The following GTF2F1 variants were observed in gnomAD, a reference collection of about 807,000 sequenced individuals.
GTF2F1 encodes the protein general transcription factor IIF subunit 1.
Under a neutral mutation model 63.5 loss-of-function variants are expected in GTF2F1, and 39 were observed. The observed-to-expected ratio is 0.61, with a 90% confidence interval of 0.48 to 0.80. The LOEUF is 0.80. Among genes scored for constraint, GTF2F1 ranks in the 30% least tolerant of loss-of-function variants. GTF2F1 has a pLI of 0.00. For synonymous variants in GTF2F1, 287 were observed against 285.3 expected (o/e 1.01, Z -0.06); for missense variants, 657 against 718.3 (o/e 0.91, Z 0.97).
chr19:6,382,523 T>TG (rs2091957129), intron 6 of GTF2F1, among the ~76,000 whole-genome samples: 1 of 150,302 alleles, frequency 6.7e-6, no homozygotes, highest in Admixed American at 6.6e-5. Context: ...CCCAGCTACT[T>TG]GGGAGGCTGA....
rs767170843 is a variant in GTF2F1, at chr19:6,380,448, G to A, written c.1387C>T (p.Leu463=). ...QVTEDAVRRY[L]TRKPMTTKDL... Reference sequence around the variant, plus strand: ...TTAGTGGTCATGGGCTTCCGTGTCAGGTAGCGGCGCACGGCATCCTCAGTC... The same window carrying A: ...TTAGTGGTCATGGGCTTCCGTGTCAAGTAGCGGCGCACGGCATCCTCAGTC... The change falls in exon 13 of 13, where the codon CTG becomes TTG. Residue 463 remains leucine, a synonymous_variant. Transcript: ENST00000394456. This position sits in a 1 kb window ranked among gnomAD's most constrained non-coding sequence, Gnocchi z 5.3. 1 of 1,614,098 alleles carries A rather than the reference G, an allele frequency of 6.2e-7. No homozygotes were observed. The highest frequency in any genetic ancestry group is 1.7e-5 in the Admixed American group (1 of 60,004).
intron 4 of GTF2F1, 81 bp downstream of exon 4, chr19:6,389,363 G>T (rs972758917): frequency 8.7e-6 from 11 of 1,259,122 alleles, no homozygotes; most frequent in Non-Finnish European, 1.2e-5. Context: ...TTCAGAGAGG[G>T]TACCCCACAA....
intron 5 of GTF2F1, among the ~76,000 whole-genome samples, chr19:6,384,235 C>T (rs74783573): frequency 0.014 from 2,110 of 151,080 alleles, 51 homozygotes; most frequent in African/African-American, 0.049. Flanking sequence ...AGGTTGGGCG[C>T]GGTGGCTCAC....
In GTF2F1 at chr19:6,380,913, G is replaced by A. The variant is rs1189130086; in HGVS notation, c.1222C>T (p.Leu408Phe). 5 of 1,565,566 alleles carry A rather than the reference G, an allele frequency of 3.2e-6. No homozygotes were observed. Among genetic ancestry groups the A allele is most frequent in the Non-Finnish European group, 4.3e-6 (5 of 1,157,860 alleles). ...GGCCACGGGCACTCACCTTGCTCGA[G>A]TTTGCTGGCAGCCGCCCGCAGGGTG... ...SSTLRAAASK[L>F]EQGKRVSEMP... Residue 408 changes from leucine (L) to phenylalanine (F), a missense_variant, in exon 11 of 13, where the codon CTC (leucine) becomes TTC (phenylalanine). Around this residue, in one of 2 missense-constraint regions of GTF2F1, gnomAD observed 602 missense variants for 625.6 expected, o/e 0.96. Transcript: ENST00000394456. The surrounding 1 kb of genome is among the most constrained non-coding windows in gnomAD (Gnocchi z 5.3).
At chr19:6,392,818 G>T (rs146656829) in intron 2 of GTF2F1, 39 bp downstream of exon 2, 30,117 of 1,585,618 alleles carry the variant, frequency 0.019, 415 homozygotes, top group Middle Eastern at 0.062. Flanking sequence ...TTCATTTTTG[G>T]GGGGTGGAGA....
At position 6,383,592 on chromosome 19, in the gene GTF2F1, T is replaced by C; in HGVS notation, c.498-97A>G. ...CCCCAGGGCACCACCCACATAGCCT[T>C]CAAGGTGATGTGGCCCCCGGGGACT... is the stretch of plus-strand genomic sequence containing the variant. On this transcript the variant is annotated intron_variant, in intron 5 of 12. Transcript: ENST00000394456. The surrounding 1 kb of genome is among the most constrained non-coding windows in gnomAD (Gnocchi z 4.5). The C allele has an allele frequency of 7.5e-7, 1 of 1,325,184 alleles. No homozygotes were observed. Among genetic ancestry groups the C allele is most frequent in the South Asian group, 1.3e-5 (1 of 79,094 alleles). 82.1% of individuals were successfully genotyped at this position (1,325,184 alleles called of 1,614,324 possible). A position where few individuals can be genotyped will look rare whatever the true frequency, so the allele number is the denominator to read the frequency against.
At chr19:6,384,800 T>A (rs2091968152) in intron 5 of GTF2F1, among the ~76,000 whole-genome samples, 1 of 151,342 alleles carries the variant, frequency 6.6e-6, no homozygotes, top group Non-Finnish European at 1.5e-5. Flanking sequence ...TTCTTTTCTT[T>A]TGAGTTGGAG....
Position 6,380,421 on chromosome 19 carries a change from C to G in GTF2F1, c.1414G>C (p.Asp472His). 1.2e-6 allele frequency: 2 copies of G among 1,614,082 alleles called. No homozygotes were observed. The highest frequency in any genetic ancestry group is 1.7e-6 in the Non-Finnish European group (2 of 1,180,010). ...TTGGTCTGGAACTTTTTCAGCAGGT[C>G]CTTAGTGGTCATGGGCTTCCGTGTC... ...YLTRKPMTTK[D>H]LLKKFQTKKT... Residue 472 changes from aspartate (D) to histidine (H), a missense_variant, in exon 13 of 13, where the codon GAC becomes CAC. Physicochemically the swap from Asp to His is moderately conservative, Grantham distance 81. Around this residue, in one of 2 missense-constraint regions of GTF2F1, gnomAD observed 55 missense variants for 92.6 expected, o/e 0.59. Coordinates refer to ENST00000394456, the MANE Select transcript of GTF2F1 (RefSeq NM_002096.3). The surrounding 1 kb of genome is among the most constrained non-coding windows in gnomAD (Gnocchi z 5.3).
intron 5 of GTF2F1, chr19:6,387,100 AC>A (rs1169571064): frequency 2.5e-6 from 1 of 403,836 alleles, no homozygotes; most frequent in Non-Finnish European, 4.6e-6. Flanking sequence ...AGGCTGTGTG[AC>A]CTGCAGCCTG....
Position 6,383,258 on chromosome 19 carries a change from G to C in GTF2F1, c.682+53C>G, listed in dbSNP as rs1599211043. 2.5e-6 allele frequency: 4 copies of C among 1,573,308 alleles called. No homozygotes were observed. The highest frequency in any genetic ancestry group is 2.6e-6 in the Non-Finnish European group (3 of 1,148,922). On this transcript the variant is annotated intron_variant, in intron 6 of 12. Transcript: ENST00000394456. This position sits in a 1 kb window ranked among gnomAD's most constrained non-coding sequence, Gnocchi z 4.5. Reference sequence around the variant, plus strand: ...GCGATGGTAGACTTTGCCTTCACTGGCACTGCCTGAGCAGGCACCTCTGTG... The same window carrying C: ...GCGATGGTAGACTTTGCCTTCACTGCCACTGCCTGAGCAGGCACCTCTGTG...
At chr19:6,384,733 G>C (rs1016459500) in intron 5 of GTF2F1, among the ~76,000 whole-genome samples, 1 of 152,118 alleles carries the variant, frequency 6.6e-6, no homozygotes, top group African/African-American at 2.4e-5. Flanking sequence ...CCAGGAGTTT[G>C]AGACCAGCCT....
chr19:6,392,997 G>A lies in GTF2F1; in HGVS notation c.-2C>T. ...ATCCACACTCACTAGGGCCGCCATG[G>A]GCAATGGTCAGTGGTTCCGATCTGG... On this transcript the variant is annotated 5_prime_UTR_variant, in exon 1 of 13. Transcript: ENST00000394456. 6.2e-7 allele frequency: 1 copy of A among 1,614,118 alleles called. No homozygotes were observed. Among genetic ancestry groups the A allele is most frequent in the Non-Finnish European group, 8.5e-7 (1 of 1,180,040 alleles).
chr19:6,383,594 A>C lies in GTF2F1; in HGVS notation c.498-99T>G, dbSNP rs1285546752. 6 of 1,296,670 alleles carry C rather than the reference A, an allele frequency of 4.6e-6. No homozygotes were observed. Among genetic ancestry groups the C allele is most frequent in the Admixed American group, 1.9e-5 (1 of 52,732 alleles). The allele number at this position is 1,296,670 out of a possible 1,614,324, so 80.3% of individuals were successfully genotyped here. A position where few individuals can be genotyped will look rare whatever the true frequency, so the allele number is the denominator to read the frequency against. The stretch of plus-strand genomic sequence containing the variant: ...CCAGGGCACCACCCACATAGCCTTC[A>C]AGGTGATGTGGCCCCCGGGGACTTG... On this transcript the variant is annotated intron_variant, in intron 5 of 12. Coordinates refer to ENST00000394456, the MANE Select transcript of GTF2F1 (RefSeq NM_002096.3). This position sits in a 1 kb window ranked among gnomAD's most constrained non-coding sequence, Gnocchi z 4.5.
chr19:6,381,607 T>C lies in GTF2F1; in HGVS notation c.845A>G (p.Gln282Arg). ...DYMSDGSSSS[Q>R]EEPESKAKAP... is the part of the protein sequence containing the mutation. Reference sequence around the variant, plus strand: ...CTTGGCCTTGCTCTCAGGCTCTTCTTGGGAGCTACTGTAAGACGGGGATGG... The same window carrying C: ...CTTGGCCTTGCTCTCAGGCTCTTCTCGGGAGCTACTGTAAGACGGGGATGG... Residue 282 changes from glutamine to arginine, a missense_variant, in exon 8 of 13, where the codon CAA (glutamine) becomes CGA (arginine). Transcript: ENST00000394456. This position sits in a 1 kb window ranked among gnomAD's most constrained non-coding sequence, Gnocchi z 4.1. 2 of 1,613,922 alleles carry C rather than the reference T, an allele frequency of 1.2e-6. No homozygotes were observed. The highest frequency in any genetic ancestry group is 1.7e-6 in the Non-Finnish European group (2 of 1,180,026).
intron 2 of GTF2F1, 111 bp from the exon 3 acceptor site, chr19:6,392,085 TAATTC>T (rs2092001471): frequency 1.5e-6 from 1 of 685,942 alleles, no homozygotes; most frequent in Admixed American, 2.1e-5. Context: ...ACTGGATCGT[TAATTC>T]AATCAAATCA....
intron 3 of GTF2F1, 78 bp downstream of exon 3, chr19:6,391,824 C>T (rs1010012517): frequency 1.4e-6 from 1 of 698,624 alleles, no homozygotes; most frequent in Non-Finnish European, 2.5e-6. Context: ...GACAGTTAAG[C>T]AACTATCACA....
At chr19:6,391,439 G>GTTTTTTTTTTTTTTTTTTTTTTTTTTTTT (rs11340944) in intron 3 of GTF2F1, among the ~76,000 whole-genome samples, 1 of 87,450 alleles carries the variant, frequency 1.1e-5, no homozygotes, top group African/African-American at 3.3e-5. Context: ...TGCCATTTCC[G>GTTTTTTTTTTTTTTTTTTTTTTTTTTTTT]TTTTTTTTTT....
intron 5 of GTF2F1, among the ~76,000 whole-genome samples, chr19:6,384,096 C>T (rs773026164): frequency 6.6e-6 from 1 of 151,868 alleles, no homozygotes; most frequent in Non-Finnish European, 1.5e-5. Flanking sequence ...CCACCGTGCC[C>T]AGCCAGATCT....
Position 6,383,520 on chromosome 19 carries a change from C to G in GTF2F1, c.498-25G>C. The G allele has an allele frequency of 5.0e-6, 8 of 1,606,434 alleles. No individual in the cohort carries two copies. The highest frequency in any genetic ancestry group is 6.8e-6 in the Non-Finnish European group (8 of 1,175,938). On this transcript the variant is annotated intron_variant, in intron 5 of 12. Transcript: ENST00000394456. The surrounding 1 kb of genome is among the most constrained non-coding windows in gnomAD (Gnocchi z 4.5). ...CCTGCGGGCCAGGCACAGGGGGGCT[C>G]ATGCCGGGCCTGGCACCACCCTGCA...
Sources: allele counts gnomAD v4.1 joint callset (sites outside exome capture counted in the v4.1 genomes callset), GRCh38; gene constraint gnomAD v4.1.1; regional missense constraint gnomAD v4.1.1; non-coding constraint Gnocchi (gnomAD v3.1); transcripts MANE v1.5; gene names NCBI Gene and HGNC (gene_info 2026-07-23, HGNC 2026-07-21).